The following SMARCA2 variants were observed in gnomAD, a reference collection of about 807,000 sequenced individuals.
SMARCA2 encodes the protein SWI/SNF related BAF chromatin remodeling complex subunit ATPase 2, also known as SWI/SNF-related matrix-associated actin-dependent regulator of chromatin subfamily A member 2.
In SMARCA2, 61 loss-of-function variants were observed where a neutral mutation model predicts 199.8. The observed-to-expected ratio is 0.31, with a 90% CI of 0.25 to 0.38. SMARCA2 has a LOEUF of 0.38. Among genes scored for constraint, SMARCA2 ranks in the 10% least tolerant of loss-of-function variants. SMARCA2 has a pLI of 1.00. For synonymous variants in SMARCA2, 935 were observed against 732.0 expected (o/e 1.28, Z -4.48); for missense variants, 1,344 against 2,012.2 (o/e 0.67, Z 6.35).
intron 27 of SMARCA2, chr9:2,160,561 ATTGT>A: frequency 1.4e-6 from 1 of 699,820 alleles, no homozygotes; most frequent in Non-Finnish European, 2.6e-6. Flanking sequence ...CTTTATATTG[ATTGT>A]TATACTCACA....
rs1490582422 is a variant in SMARCA2, at chr9:2,169,965, G to T, written c.4200-454G>T. Among the ~76,000 whole-genome samples, 1 of 152,180 alleles carries T rather than the reference G, an allele frequency of 6.6e-6. No individual in the cohort carries two copies. Among genetic ancestry groups the T allele is most frequent in the Non-Finnish European group, 1.5e-5 (1 of 68,026 alleles). On this transcript the variant is annotated intron_variant, in intron 28 of 33. Coordinates refer to ENST00000349721, the MANE Select transcript of SMARCA2 (RefSeq NM_003070.5). This position sits in a 1 kb window ranked among gnomAD's most constrained non-coding sequence, Gnocchi z 6.5. The stretch of plus-strand genomic sequence containing the variant: ...CTGATGCTTGGAATACCTTCTTTGT[G>T]CAGGCTACTGTAAGAAAGCACTTTA...
chr9:2,119,596 G>T lies in SMARCA2; in HGVS notation c.3762+61G>T. 8.5e-7 allele frequency: 1 copy of T among 1,173,030 alleles called. No homozygotes were observed. The allele number at this position is 1,173,030 out of a possible 1,614,324, so 72.7% of individuals were successfully genotyped here. ...ATACCTCTGCCCCTTTTTCTGTTAA[G>T]CAGAATGTCTGCAGCCTGCGTGCCT... On this transcript the variant is annotated intron_variant, in intron 26 of 33. Transcript: ENST00000349721. This position sits in a 1 kb window ranked among gnomAD's most constrained non-coding sequence, Gnocchi z 4.6.
At chr9:2,088,673 T>C (rs1821914229) in intron 19 of SMARCA2, 60 bp downstream of exon 19, 12 of 1,095,206 alleles carry the variant, frequency 1.1e-5, no homozygotes, top group Admixed American at 2.3e-5. Context: ...ATATTTGAAG[T>C]ACCTGCCTCT....
At position 2,039,339 on chromosome 9, in the gene SMARCA2, T is replaced by C; in HGVS notation, c.356-127T>C. ...AAGATCTTAAACTCCATATAATTAA[T>C]AAATGATATGTCATTCAAATTTCTG... is the stretch of plus-strand genomic sequence containing the variant. On this transcript the variant is annotated intron_variant, in intron 3 of 33. Transcript: ENST00000349721. The surrounding 1 kb of genome is among the most constrained non-coding windows in gnomAD (Gnocchi z 4.8). 6.2e-6 allele frequency: 5 copies of C among 812,518 alleles called. No homozygotes were observed. The highest frequency in any genetic ancestry group is 9.6e-6 in the Non-Finnish European group (5 of 523,482). 50.3% of individuals were successfully genotyped at this position (812,518 alleles called of 1,614,324 possible). A position where few individuals can be genotyped will look rare whatever the true frequency, so the allele number is the denominator to read the frequency against.
chr9:2,061,733 A>C (rs1326932656), intron 9 of SMARCA2, among the ~76,000 whole-genome samples: 1 of 152,212 alleles, frequency 6.6e-6, no homozygotes, highest in Non-Finnish European at 1.5e-5. Context: ...ATCAACTGGA[A>C]GTCAGAATTG....
intron 27 of SMARCA2, chr9:2,158,862 G>A: frequency 7.2e-7 from 1 of 1,379,570 alleles, no homozygotes. Flanking sequence ...AAGACCCTTA[G>A]AAATCACAGA....
Position 2,056,980 on chromosome 9 carries a change from C to G in SMARCA2, c.1347+135C>G, listed in dbSNP as rs1820382096. ...ATCACAGAACAGAACGGTTCCTTGA[C>G]ATGTACATAATCCAACCACATCATT... On this transcript the variant is annotated intron_variant, in intron 7 of 33. Coordinates refer to ENST00000349721, the MANE Select transcript of SMARCA2 (RefSeq NM_003070.5). The surrounding 1 kb of genome is among the most constrained non-coding windows in gnomAD (Gnocchi z 4.0). 3 of 728,014 alleles carry G rather than the reference C, an allele frequency of 4.1e-6. No homozygotes were observed. The Admixed American group carries it at 8.8e-5, about 21-fold the overall frequency. The allele number at this position is 728,014 out of a possible 1,614,324, so 45.1% of individuals were successfully genotyped here.
intron 29 of SMARCA2, among the ~76,000 whole-genome samples, chr9:2,178,738 C>T (rs144340818): frequency 3.3e-5 from 5 of 152,098 alleles, no homozygotes; most frequent in South Asian, 2.1e-4. Flanking sequence ...TTTTTTTAAC[C>T]TGTAATTTAG....
chr9:2,116,385 C>T (rs534744366), intron 25 of SMARCA2, among the ~76,000 whole-genome samples: 5 of 152,260 alleles, frequency 3.3e-5, no homozygotes, highest in South Asian at 2.1e-4. Flanking sequence ...CAAAATCAGC[C>T]GGACGAGACA....
Position 2,170,548 on chromosome 9 carries a change from A to G in SMARCA2, c.4253+76A>G, listed in dbSNP as rs1488289516. ...TACGTGAAACAGATTGAATCATATAATCGGCCTTTGGAAGCAAATTTCTTC... is the reference window on the plus strand; with the variant it reads ...TACGTGAAACAGATTGAATCATATAGTCGGCCTTTGGAAGCAAATTTCTTC... On this transcript the variant is annotated intron_variant, in intron 29 of 33. Coordinates refer to ENST00000349721, the MANE Select transcript of SMARCA2 (RefSeq NM_003070.5). This position sits in a 1 kb window ranked among gnomAD's most constrained non-coding sequence, Gnocchi z 4.7. 8.7e-6 allele frequency: 14 copies of G among 1,608,636 alleles called. No homozygotes were observed. The highest frequency in any genetic ancestry group is 1.1e-5 in the Non-Finnish European group (13 of 1,176,698).
intron 32 of SMARCA2, among the ~76,000 whole-genome samples, chr9:2,189,704 GT>G (rs1563846448): frequency 6.6e-6 from 1 of 152,020 alleles, no homozygotes; most frequent in African/African-American, 2.4e-5. Flanking sequence ...GCAGCAGACA[GT>G]GGGTATAATA....
At chr9:2,044,186 C>T (rs1205951361) in intron 4 of SMARCA2, 1 of 152,216 alleles carries the variant, frequency 6.6e-6, no homozygotes, top group Non-Finnish European at 1.5e-5. Flanking sequence ...AAGCTGTGTT[C>T]AGTTCCCCGG....
rs372976069 is a variant in SMARCA2, at chr9:2,192,730, T to G, written c.4764T>G (p.Asp1588Glu). 1.2e-6 allele frequency: 2 copies of G among 1,609,330 alleles called. No individual in the cohort carries two copies. The highest frequency in any genetic ancestry group is 2.2e-5 in the East Asian group (1 of 44,856). The change falls in exon 34 of 34, where the codon GAT becomes GAG. Residue 1588 changes from aspartate (D) to glutamate (E), a missense_variant. This residue lies in a region of SMARCA2 where 155 missense variants were observed against 121.1 expected (regional missense o/e 1.28). Coordinates refer to ENST00000349721, the MANE Select transcript of SMARCA2 (RefSeq NM_003070.5). ...EREQSEGSGT[D>E]DE ...AACAGTCAGAAGGAAGTGGGACGGA[T>G]GATGAGTGATCAGTATGGACCTTTT...
intron 27 of SMARCA2, among the ~76,000 whole-genome samples, chr9:2,154,855 C>T (rs549668663): frequency 1.3e-5 from 2 of 152,338 alleles, no homozygotes; most frequent in African/African-American, 4.8e-5. Flanking sequence ...CCTCGAAGTA[C>T]AGAAGTGGCC....
chr9:2,077,645 G>A lies in SMARCA2; in HGVS notation c.2053G>A (p.Val685Met), dbSNP rs536427030. 2 of 1,613,850 alleles carry A rather than the reference G, an allele frequency of 1.2e-6. No individual in the cohort carries two copies. The highest frequency in any genetic ancestry group is 1.7e-5 in the Admixed American group (1 of 60,012). The part of the protein sequence containing the change: ...KQIIETAKQD[V>M]DDEYSMQYSA... ...CTTTCCCAGGACAGCTAAGCAAGAC[G>A]TGGATGATGAATACAGCATGCAGTA... is the stretch of plus-strand genomic sequence containing the variant. The change falls in exon 14 of 34, where the codon GTG (valine) becomes ATG (methionine). Residue 685 changes from valine (V) to methionine (M), a missense_variant. This residue lies in a region of SMARCA2 where 106 missense variants were observed against 179.7 expected (regional missense o/e 0.59). Coordinates refer to ENST00000349721, the MANE Select transcript of SMARCA2 (RefSeq NM_003070.5).
chr9:2,081,643 A>G (rs1253604640), intron 14 of SMARCA2, among the ~76,000 whole-genome samples, 189 bp from the exon 15 acceptor site: 1 of 152,176 alleles, frequency 6.6e-6, no homozygotes, highest in African/African-American at 2.4e-5. Flanking sequence ...GAGAAAGCTT[A>G]CTCATGGAGA....
intron 9 of SMARCA2, among the ~76,000 whole-genome samples, chr9:2,064,044 C>T (rs1022252702): frequency 1.3e-5 from 2 of 152,116 alleles, no homozygotes; most frequent in Non-Finnish European, 2.9e-5. Context: ...CCTAGTTATA[C>T]GAAACTAATT....
At chr9:2,160,434 G>T (rs1036507480) in intron 27 of SMARCA2, 10 of 519,068 alleles carry the variant, frequency 1.9e-5, no homozygotes, top group Admixed American at 9.8e-5. Flanking sequence ...AATCCCACTG[G>T]CATTTTTAAC....
intron 23 of SMARCA2, among the ~76,000 whole-genome samples, chr9:2,105,446 G>T (rs1822711976): frequency 6.6e-6 from 1 of 151,844 alleles, no homozygotes; most frequent in African/African-American, 2.4e-5. Flanking sequence ...TAAAGATGGG[G>T]TTTCACCATG....
Sources: gnomAD v4.1 joint callset for allele counts (sites outside exome capture counted in the v4.1 genomes callset) on GRCh38, gnomAD v4.1.1 for gene constraint, gnomAD v4.1.1 regional missense constraint, Gnocchi (gnomAD v3.1) non-coding constraint, MANE v1.5 for transcripts, NCBI Gene and HGNC (gene_info 2026-07-23, HGNC 2026-07-21) for gene names.